The following PLCL1 variants were observed in gnomAD, a reference collection of about 807,000 sequenced individuals.
The protein encoded by PLCL1 is phospholipase C like 1 (inactive).
Under a neutral mutation model 84.4 loss-of-function variants are expected in PLCL1, and 41 were observed. The observed-to-expected ratio is 0.49, with a 90% CI of 0.38 to 0.63. The LOEUF (loss-of-function observed/expected upper bound fraction) is 0.63, where lower values mean the gene tolerates loss of function less well. Ranked by LOEUF, PLCL1 falls within the 30% of genes least tolerant of loss-of-function variation. The pLI is 0.00. For synonymous variants in PLCL1, 490 were observed against 488.3 expected (o/e 1.00, Z -0.05); for missense variants, 1,206 against 1,367.8 (o/e 0.88, Z 1.87).
At chr2:197,927,605 A>C (rs771085888) in intron 1 of PLCL1, among the ~76,000 whole-genome samples, 4 of 152,202 alleles carry the variant, frequency 2.6e-5, no homozygotes, top group Non-Finnish European at 5.9e-5. Context: ...GCCAACTCAC[A>C]GGGCATTTTT....
chr2:198,095,720 A>G (rs571109496), intron 3 of PLCL1, among the ~76,000 whole-genome samples: 1 of 152,290 alleles, frequency 6.6e-6, no homozygotes, highest in South Asian at 2.1e-4. Flanking sequence ...AACATTTTGT[A>G]ATTTTAGTAG....
At position 198,147,006 on chromosome 2, in the gene PLCL1, T is replaced by G; in HGVS notation, c.*44T>G. 6.8e-7 allele frequency: 1 copy of G among 1,466,590 alleles called. No homozygotes were observed. The highest frequency in any genetic ancestry group is 1.4e-5 in the South Asian group (1 of 70,942). The allele number at this position is 1,466,590 out of a possible 1,614,324, so 90.8% of individuals were successfully genotyped here. ...CGTTCACCCATCTTATCAAGGACTCTGGTTTCTCATTCTTGTTTTCTTTCT... is the reference window on the plus strand; with the variant it reads ...CGTTCACCCATCTTATCAAGGACTCGGGTTTCTCATTCTTGTTTTCTTTCT... On this transcript the variant is annotated 3_prime_UTR_variant, in exon 6 of 6. Transcript: ENST00000428675.
At chr2:198,082,400 C>T (rs1209657714) in intron 1 of PLCL1, among the ~76,000 whole-genome samples, 9 of 151,808 alleles carry the variant, frequency 5.9e-5, no homozygotes, top group East Asian at 3.9e-4. Flanking sequence ...ACTGAAATCA[C>T]GCCACTGCAC....
Position 197,824,895 on chromosome 2 carries a change from T to C in PLCL1, c.240+19556T>C, listed in dbSNP as rs570587171. Among the ~76,000 whole-genome samples the C allele has an allele frequency of 3.3e-5, 5 of 152,252 alleles. No individual in the cohort carries two copies. The East Asian group carries it at 9.7e-4, about 29-fold the overall frequency. On this transcript the variant is annotated intron_variant, in intron 1 of 5. Coordinates refer to ENST00000428675, the MANE Select transcript of PLCL1 (RefSeq NM_006226.4). ...GCAGGGGCCTTAAATAAGTAATGAC[T>C]GGTCTTAAAATAAAACCTTAAAATT...
At chr2:197,865,947 G>A (rs1687521488) in intron 1 of PLCL1, among the ~76,000 whole-genome samples, 2 of 138,502 alleles carry the variant, frequency 1.4e-5, no homozygotes, top group South Asian at 4.6e-4. Flanking sequence ...AAGGTTAAAG[G>A]CTGCATAAGC....
At chr2:198,110,626 A>G (rs778127446) in intron 5 of PLCL1, among the ~76,000 whole-genome samples, 7 of 151,920 alleles carry the variant, frequency 4.6e-5, no homozygotes, top group Non-Finnish European at 8.8e-5. Context: ...AAGCTGAGTG[A>G]GAGTGAGAAG....
intron 5 of PLCL1, among the ~76,000 whole-genome samples, chr2:198,115,390 G>A (rs778325765): frequency 6.6e-6 from 1 of 151,816 alleles, no homozygotes; most frequent in Non-Finnish European, 1.5e-5. Context: ...AGATAAACAA[G>A]GGAGATTCCA....
chr2:197,957,798 T>C lies in PLCL1; in HGVS notation c.241-125960T>C, dbSNP rs1574968475. ...GCCCTTCCTTATTTTCTTGAGCATATTCCTTCTATCCAAAGTTAAATTCTG... is the reference window on the plus strand; with the variant it reads ...GCCCTTCCTTATTTTCTTGAGCATACTCCTTCTATCCAAAGTTAAATTCTG... On this transcript the variant is annotated intron_variant, in intron 1 of 5. Coordinates refer to ENST00000428675, the MANE Select transcript of PLCL1 (RefSeq NM_006226.4). Among the ~76,000 whole-genome samples, 4 of 152,206 alleles carry C rather than the reference T, an allele frequency of 2.6e-5. No homozygotes were observed. In the South Asian group the frequency reaches 8.3e-4, roughly 32 times the overall value.
chr2:198,072,809 A>G (rs1692494536), intron 1 of PLCL1, among the ~76,000 whole-genome samples: 1 of 152,100 alleles, frequency 6.6e-6, no homozygotes, highest in East Asian at 1.9e-4. Flanking sequence ...TCATTCCTAC[A>G]TTCCTGGAAT....
At position 198,148,751 on chromosome 2, in the gene PLCL1, G is replaced by A. The variant is rs1433309981; in HGVS notation, c.*1789G>A. ...ATCAGCTGATTGGTTGATTTTACTAGTGTACCTCTTCATCTACTTGAATTC... is the reference window on the plus strand; with the variant it reads ...ATCAGCTGATTGGTTGATTTTACTAATGTACCTCTTCATCTACTTGAATTC... On this transcript the variant is annotated 3_prime_UTR_variant, in exon 6 of 6. Transcript: ENST00000428675. The A allele has an allele frequency of 6.6e-6, 1 of 152,274 alleles. No individual in the cohort carries two copies. The highest frequency in any genetic ancestry group is 1.5e-5 in the Non-Finnish European group (1 of 68,020). The allele number at this position is 152,274 out of a possible 1,614,324, so 9.4% of individuals were successfully genotyped here.
intron 1 of PLCL1, among the ~76,000 whole-genome samples, chr2:197,953,851 GT>G (rs57247809): frequency 0.02 from 2,962 of 146,424 alleles, 52 homozygotes; most frequent in Non-Finnish European, 0.029. Flanking sequence ...GTATTCCAGA[GT>G]TTTTTTTTTT....
rs554611908 is a variant in PLCL1, at chr2:197,909,745, C to T, written c.240+104406C>T. 2.8e-4 allele frequency among the ~76,000 whole-genome samples: 43 copies of T among 152,224 alleles called. No homozygotes were observed. The South Asian group carries it at 7.9e-3, about 28-fold the overall frequency. On this transcript the variant is annotated intron_variant, in intron 1 of 5. Transcript: ENST00000428675. ...AGGGAAAAGTTGTGCTGGTAGCAGTCGGCTTATAAAGTTTATGCTGTCTGC... is the reference window on the plus strand; with the variant it reads ...AGGGAAAAGTTGTGCTGGTAGCAGTTGGCTTATAAAGTTTATGCTGTCTGC...
At chr2:197,830,544 G>C (rs1055390291) in intron 1 of PLCL1, among the ~76,000 whole-genome samples, 3 of 152,086 alleles carry the variant, frequency 2.0e-5, no homozygotes, top group African/African-American at 7.2e-5. Context: ...ACCTATATTT[G>C]ATTGGTGTAC....
intron 5 of PLCL1, among the ~76,000 whole-genome samples, chr2:198,122,836 T>C (rs1351743065): frequency 6.6e-6 from 1 of 152,160 alleles, no homozygotes; most frequent in Non-Finnish European, 1.5e-5. Context: ...CTAGACAGTG[T>C]TCTAAGTGTT....
In PLCL1 at chr2:197,918,703, C is replaced by A. The variant is rs138610879; in HGVS notation, c.240+113364C>A. The stretch of plus-strand genomic sequence containing the variant: ...TTGGGAGGTTGAGGCAGGCAGATAG[C>A]TTGAGCCCAGGAGTTTGAGACCAGC... On this transcript the variant is annotated intron_variant, in intron 1 of 5. Transcript: ENST00000428675. Among the ~76,000 whole-genome samples the A allele has an allele frequency of 3.5e-3, 527 of 152,230 alleles. 4 individuals are homozygous for A. Among genetic ancestry groups the A allele is most frequent in the African/African-American group, 0.012 (488 of 41,524 alleles).
intron 1 of PLCL1, among the ~76,000 whole-genome samples, chr2:197,975,904 T>C (rs1280966458): frequency 6.6e-6 from 1 of 152,174 alleles, no homozygotes; most frequent in East Asian, 1.9e-4. Context: ...CTTACGCCTC[T>C]GGTTTCTGTC....
intron 1 of PLCL1, among the ~76,000 whole-genome samples, chr2:198,056,769 C>T (rs896480170): frequency 6.6e-6 from 1 of 152,022 alleles, no homozygotes; most frequent in Admixed American, 6.5e-5. Flanking sequence ...TAGAGCAGTC[C>T]CTGAGCGATG....
chr2:198,078,503 C>A (rs778051424), intron 1 of PLCL1, among the ~76,000 whole-genome samples: 2 of 152,184 alleles, frequency 1.3e-5, no homozygotes, highest in East Asian at 1.9e-4. Flanking sequence ...ATATGCTTAT[C>A]TTTTAGTATA....
chr2:198,035,043 A>G (rs1691524407), intron 1 of PLCL1, among the ~76,000 whole-genome samples: 1 of 152,190 alleles, frequency 6.6e-6, no homozygotes, highest in African/African-American at 2.4e-5. Flanking sequence ...TTAATGTGGT[A>G]TCTGCCATAT....
Sources: gnomAD v4.1 joint callset for allele counts (sites outside exome capture counted in the v4.1 genomes callset) on GRCh38, gnomAD v4.1.1 for gene constraint, MANE v1.5 for transcripts, NCBI Gene and HGNC (gene_info 2026-07-23, HGNC 2026-07-21) for gene names.